Variants in SPATA1 observed in about 807,000 individuals in gnomAD.
SPATA1 encodes the protein spermatogenesis associated 1, also known as spermatogenesis-associated protein 1.
In SPATA1, 57 loss-of-function variants were observed where a neutral mutation model predicts 59.6. That is an observed-to-expected ratio of 0.96 (90% CI 0.77 to 1.19). The LOEUF is 1.19. SPATA1 is among the 50% of genes most tolerant of loss of function. The pLI is 0.00. For synonymous variants in SPATA1, 147 were observed against 163.9 expected, an observed-to-expected ratio of 0.90 and a Z score of 0.79; for missense variants, 448 against 480.7, an observed-to-expected ratio of 0.93 and a Z score of 0.64.
chr1:84,551,644 G>C (rs965236157), intron 12 of SPATA1: 1 of 152,006 alleles, frequency 6.6e-6, no homozygotes, highest in Non-Finnish European at 1.5e-5. Context: ...CAGCATTCTC[G>C]AGGCTAAATA....
rs543901543 is a variant in SPATA1 at position 84,515,093 on chromosome 1, T to C, written c.-137-1130T>C. On this transcript the variant is annotated intron_variant, in intron 1 of 12. Transcript: ENST00000490879. ...AATGAATGCCCATATGCTATAATTA[T>C]TATAGATTATTAACTAATTCTTATC... Among the ~76,000 whole-genome samples, 3 of 152,338 alleles carry C rather than the reference T, an allele frequency of 2.0e-5. No individual in the cohort carries two copies. The East Asian group carries it at 5.8e-4, about 29-fold the overall frequency.
intron 1 of SPATA1, among the ~76,000 whole-genome samples, chr1:84,507,972 A>G (rs1682347875): frequency 6.6e-6 from 1 of 152,110 alleles, no homozygotes; most frequent in Admixed American, 6.5e-5. Context: ...GATTCTATTT[A>G]GGATACAAAA....
intron 1 of SPATA1, among the ~76,000 whole-genome samples, chr1:84,509,466 A>G (rs560381500): frequency 2.2e-4 from 33 of 152,372 alleles, no homozygotes; most frequent in Admixed American, 4.6e-4. Context: ...TGAAACGTCT[A>G]TAAGAAAACA....
At chr1:84,526,031 G>C (rs1683208967) in exon 6 of SPATA1, 2 of 1,612,720 alleles carry the variant, frequency 1.2e-6, no homozygotes, top group Non-Finnish European at 1.7e-6. Flanking sequence ...CAGTTTGTTA[G>C]AAAACACTTT....
At chr1:84,526,693 CCT>C (rs922725143) in intron 6 of SPATA1, among the ~76,000 whole-genome samples, 3 of 151,318 alleles carry the variant, frequency 2.0e-5, no homozygotes, top group Admixed American at 2.0e-4. Flanking sequence ...ATGGCAAGAC[CCT>C]GTCTCTACGA....
rs116564194 is a variant in SPATA1, at chr1:84,542,528, T to G, written c.718-1674T>G. Reference sequence around the variant, plus strand: ...TTTTTTCTTTGCTCTATTTTTCCACTTCAGGTAGAGCCCTCTCTTTCCAGG... The same window carrying G: ...TTTTTTCTTTGCTCTATTTTTCCACGTCAGGTAGAGCCCTCTCTTTCCAGG... On this transcript the variant is annotated intron_variant, in intron 8 of 12. Transcript: ENST00000490879. Among the ~76,000 whole-genome samples the G allele has an allele frequency of 7.4e-3, 1,125 of 152,268 alleles. 4 individuals are homozygous for G. Among genetic ancestry groups the G allele is most frequent in the Non-Finnish European group, 0.011 (769 of 68,020 alleles).
At position 84,548,781 on chromosome 1, in the gene SPATA1, T is replaced by TTGCAA; in HGVS notation, c.947-5_947-4insTGCAA. The TTGCAA allele has an allele frequency of 1.3e-6, 1 of 762,506 alleles. No individual in the cohort carries two copies. Among genetic ancestry groups the TTGCAA allele is most frequent in the Non-Finnish European group, 1.6e-6 (1 of 606,972 alleles). The allele number at this position is 762,506 out of a possible 1,614,324, so 47.2% of individuals were successfully genotyped here. On this transcript the variant is annotated splice_region_variant and splice_polypyrimidine_tract_variant and intron_variant, in intron 10 of 12. Transcript: ENST00000490879. ...TTTTTTTTTTTTTTTTTTTTTTTTT[T>TTGCAA]ATAGCCTACAATGGTTGGAAGAAAA...
downstream of SPATA1, among the ~76,000 whole-genome samples, chr1:84,557,927 C>T (rs1684496036): frequency 6.6e-6 from 1 of 151,476 alleles, no homozygotes; most frequent in Non-Finnish European, 1.5e-5. Context: ...AAATGGCCTT[C>T]AATGCGCACC....
chr1:84,550,996 A>G (rs1684253853), intron 12 of SPATA1: 5 of 984,902 alleles, frequency 5.1e-6, no homozygotes, highest in Non-Finnish European at 6.0e-6. Flanking sequence ...CCTTCCTGGC[A>G]GAGACTATGC....
At chr1:84,507,065 G>A (rs1456001655) in intron 1 of SPATA1, 4 of 152,136 alleles carry the variant, frequency 2.6e-5, no homozygotes, top group Admixed American at 6.5e-5. Flanking sequence ...TACCAAAGGA[G>A]TTTTTAGGAG....
At chr1:84,514,961 ACT>A (rs923895721) in intron 1 of SPATA1, among the ~76,000 whole-genome samples, 2 of 152,046 alleles carry the variant, frequency 1.3e-5, no homozygotes, top group African/African-American at 4.8e-5. Flanking sequence ...ACACAGGGAG[ACT>A]CTGTCTCAAA....
At position 84,508,809 on chromosome 1, in the gene SPATA1, GA is replaced by G. The variant is rs1175279771; in HGVS notation, c.-138+2398del. Among the ~76,000 whole-genome samples, 8 of 151,860 alleles carry G rather than the reference GA, an allele frequency of 5.3e-5. No homozygotes were observed. In the East Asian group the frequency reaches 7.7e-4, roughly 15 times the overall value. ...ATGGCTAAGGAAATTGAAGTTTGGA[GA>G]AAAAAATATATACAATAGCTACAAA... On this transcript the variant is annotated intron_variant, in intron 1 of 12. Transcript: ENST00000490879.
chr1:84,546,091 G>C (rs1024815960), intron 10 of SPATA1, among the ~76,000 whole-genome samples: 2 of 152,176 alleles, frequency 1.3e-5, no homozygotes, highest in Non-Finnish European at 2.9e-5. Context: ...TATTAAGACA[G>C]ACACAATCTT....
downstream of SPATA1, among the ~76,000 whole-genome samples, chr1:84,558,604 T>TAA (rs112293082): frequency 1.4e-5 from 2 of 139,952 alleles, no homozygotes; most frequent in African/African-American, 2.6e-5. Flanking sequence ...TTTTTTTAAT[T>TAA]AAAAAAAAAA....
At chr1:84,544,417 T>C in intron 9 of SPATA1, 113 bp downstream of exon 9, 2 of 767,844 alleles carry the variant, frequency 2.6e-6, no homozygotes, top group Non-Finnish European at 4.2e-6. Context: ...GATAAATAAG[T>C]TCTGGAGATG....
At position 84,516,423 on chromosome 1, in the gene SPATA1, T is replaced by A. The variant is rs180829911; in HGVS notation, c.36+28T>A. 6 of 1,314,142 alleles carry A rather than the reference T, an allele frequency of 4.6e-6. No homozygotes were observed. In the Admixed American group the frequency reaches 1.5e-4, roughly 33 times the overall value. The allele number at this position is 1,314,142 out of a possible 1,614,324, so 81.4% of individuals were successfully genotyped here. A position where few individuals can be genotyped will look rare whatever the true frequency, so the allele number is the denominator to read the frequency against. On this transcript the variant is annotated intron_variant, in intron 2 of 12. Coordinates refer to ENST00000490879, the Ensembl canonical transcript of SPATA1. ...AAGAAAATCTTTTTATACTAAAATATAAGAAAGACCTGCTTATCACTGTTT... is the reference window on the plus strand; with the variant it reads ...AAGAAAATCTTTTTATACTAAAATAAAAGAAAGACCTGCTTATCACTGTTT...
At chr1:84,522,533 G>C in intron 4 of SPATA1, 26 bp downstream of exon 4, 1 of 1,237,274 alleles carries the variant, frequency 8.1e-7, no homozygotes, top group Non-Finnish European at 1.1e-6. Flanking sequence ...TTTTCTTTCT[G>C]ATTGAGAAAG....
rs1168926309 is a variant in SPATA1 at position 84,508,808 on chromosome 1, AG to A, written c.-138+2391del. On this transcript the variant is annotated intron_variant, in intron 1 of 12. Transcript: ENST00000490879. ...AATGGCTAAGGAAATTGAAGTTTGG[AG>A]AAAAAAATATATACAATAGCTACAA... 4.6e-5 allele frequency among the ~76,000 whole-genome samples: 7 copies of A among 152,348 alleles called. No homozygotes were observed. In the East Asian group the frequency reaches 1.3e-3, roughly 29 times the overall value.
intron 2 of SPATA1, among the ~76,000 whole-genome samples, chr1:84,517,633 C>T (rs1467820188): frequency 6.6e-6 from 1 of 152,024 alleles, no homozygotes; most frequent in Admixed American, 6.6e-5. Flanking sequence ...TGGAGTTATA[C>T]TTGATTCTTC....
Sources: allele counts gnomAD v4.1 joint callset (sites outside exome capture counted in the v4.1 genomes callset), GRCh38; gene constraint gnomAD v4.1.1; transcripts MANE v1.5; gene names NCBI Gene and HGNC (gene_info 2026-07-23, HGNC 2026-07-21).